The following SLCO6A1 variants were observed in gnomAD, a reference collection of about 807,000 sequenced individuals.
SLCO6A1 encodes cancer/testis antigen 48.
Under a neutral mutation model 72.7 loss-of-function variants are expected in SLCO6A1, and 65 were observed. The observed-to-expected ratio is 0.89, with a 90% CI of 0.73 to 1.10. SLCO6A1 has a LOEUF of 1.10. Ranked by LOEUF, SLCO6A1 falls within the 50% of genes least tolerant of loss-of-function variation. The pLI is 0.00. For synonymous variants in SLCO6A1, 314 were observed against 298.2 expected (o/e 1.05, Z -0.55); for missense variants, 874 against 872.6 (o/e 1.00, Z -0.02).
intron 6 of SLCO6A1, among the ~76,000 whole-genome samples, chr5:102,439,244 A>G (rs1292215311): frequency 1.3e-5 from 2 of 152,054 alleles, no homozygotes; most frequent in African/African-American, 4.8e-5. Flanking sequence ...ACTCCTGGAA[A>G]TCTACCTATA....
At chr5:102,392,434 ATAAG>A (rs933989030) in intron 10 of SLCO6A1, among the ~76,000 whole-genome samples, 1 of 152,050 alleles carries the variant, frequency 6.6e-6, no homozygotes, top group African/African-American at 2.4e-5. Flanking sequence ...TTTATTTAGC[ATAAG>A]TAATTTTCTT....
chr5:102,422,768 C>A (rs1025965001), intron 7 of SLCO6A1, among the ~76,000 whole-genome samples: 1 of 152,062 alleles, frequency 6.6e-6, no homozygotes, highest in Non-Finnish European at 1.5e-5. Flanking sequence ...TCAGGAAATA[C>A]AGAGAACACC....
chr5:102,424,587 T>C (rs1748788149), intron 7 of SLCO6A1, among the ~76,000 whole-genome samples: 2 of 152,188 alleles, frequency 1.3e-5, no homozygotes, highest in South Asian at 4.2e-4. Context: ...GTCGAATCCC[T>C]GAGTAGGCCA....
At chr5:102,436,180 G>T (rs1001195809) in intron 7 of SLCO6A1, among the ~76,000 whole-genome samples, 2 of 152,098 alleles carry the variant, frequency 1.3e-5, no homozygotes, top group Non-Finnish European at 2.9e-5. Flanking sequence ...CTAAAGCTCT[G>T]CCATTGGCTA....
Position 102,373,268 on chromosome 5 carries a change from CATT to C in SLCO6A1, c.*15+66_*15+68del, listed in dbSNP as rs202134821. The C allele has an allele frequency of 4.0e-3, 3,965 of 979,080 alleles. 13 individuals are homozygous for C. Among genetic ancestry groups the C allele is most frequent in the Admixed American group, 8.0e-3 (212 of 26,602 alleles). 60.6% of individuals were successfully genotyped at this position (979,080 alleles called of 1,614,324 possible). A position where few individuals can be genotyped will look rare whatever the true frequency, so the allele number is the denominator to read the frequency against. ...AGCACATTTGTTAAACATGTAATTACATTATTATTACTTTAAATTTTATTAATA... is the reference window on the plus strand; with the variant it reads ...AGCACATTTGTTAAACATGTAATTACATTATTACTTTAAATTTTATTAATA... On this transcript the variant is annotated intron_variant, in intron 13 of 13. Coordinates refer to ENST00000506729, the MANE Select transcript of SLCO6A1 (RefSeq NM_173488.5).
intron 6 of SLCO6A1, 52 bp from the exon 7 acceptor site, chr5:102,438,813 G>A (rs966389984): frequency 9.2e-6 from 12 of 1,298,390 alleles, no homozygotes; most frequent in Non-Finnish European, 1.1e-5. Context: ...TAGATAAAGA[G>A]GAATAGACAG....
At chr5:102,487,351 C>T (rs766322322) in intron 1 of SLCO6A1, among the ~76,000 whole-genome samples, 2 of 152,020 alleles carry the variant, frequency 1.3e-5, no homozygotes, top group Non-Finnish European at 2.9e-5. Context: ...TAGCACATGC[C>T]ATTTTTGATG....
intron 4 of SLCO6A1, among the ~76,000 whole-genome samples, chr5:102,471,038 T>TG (rs1052830096): frequency 3.9e-5 from 6 of 152,140 alleles, no homozygotes; most frequent in Admixed American, 1.3e-4. Flanking sequence ...TCTCCTTTCT[T>TG]GGGGCATGGT....
At chr5:102,407,578 TTAAG>T (rs1747739409) in intron 9 of SLCO6A1, among the ~76,000 whole-genome samples, 1 of 152,190 alleles carries the variant, frequency 6.6e-6, no homozygotes, top group Non-Finnish European at 1.5e-5. Flanking sequence ...ATAGTTTACT[TTAAG>T]AAAGAAAGGC....
rs1287294544 is a variant in SLCO6A1 at position 102,420,018 on chromosome 5, AGTCCT to A, written c.1277-2_1279del. The A allele has an allele frequency of 6.4e-7, 1 of 1,566,386 alleles. No homozygotes were observed. Among genetic ancestry groups the A allele is most frequent in the African/African-American group, 1.4e-5 (1 of 72,048 alleles). ...AAGTGCACCTCCTGGAATTAAAACA[AGTCCT>A]AAAAAAAAGGAGGAGAAAAACACAG... On this transcript the variant is annotated splice_acceptor_variant and coding_sequence_variant, in exon 8 of 14. Coordinates refer to ENST00000506729, the MANE Select transcript of SLCO6A1 (RefSeq NM_173488.5). LOFTEE classifies it high-confidence loss of function.
chr5:102,460,569 A>T (rs62371010), intron 4 of SLCO6A1, among the ~76,000 whole-genome samples: 35,004 of 151,918 alleles, frequency 0.23, 4,671 homozygotes, highest in South Asian at 0.34. Flanking sequence ...TCATTTAAGG[A>T]GGAGATTAGG....
intron 3 of SLCO6A1, 45 bp downstream of exon 3, chr5:102,477,631 G>C (rs1443155070): frequency 1.3e-6 from 2 of 1,551,304 alleles, no homozygotes; most frequent in Admixed American, 1.9e-5. Context: ...AAAATTCAAA[G>C]AAAACTCAAA....
chr5:102,400,783 A>G (rs539835256), intron 9 of SLCO6A1, among the ~76,000 whole-genome samples: 102 of 152,172 alleles, frequency 6.7e-4, no homozygotes, highest in Middle Eastern at 3.4e-3. Flanking sequence ...TTGATAGGTG[A>G]AGTTGCTGAG....
chr5:102,378,908 T>G (rs1180864830), intron 12 of SLCO6A1, among the ~76,000 whole-genome samples: 1 of 151,908 alleles, frequency 6.6e-6, no homozygotes, highest in Non-Finnish European at 1.5e-5. Flanking sequence ...CAACCTCCAT[T>G]TAGCTGGGGT....
chr5:102,433,416 T>A (rs1216899857), intron 7 of SLCO6A1, among the ~76,000 whole-genome samples: 1 of 152,204 alleles, frequency 6.6e-6, no homozygotes, highest in African/African-American at 2.4e-5. Flanking sequence ...TCCTTGAAGT[T>A]CCTGTCCTTT....
At chr5:102,436,644 T>C (rs2112672976) in intron 7 of SLCO6A1, among the ~76,000 whole-genome samples, 1 of 152,248 alleles carries the variant, frequency 6.6e-6, no homozygotes, top group South Asian at 2.1e-4. Context: ...ATGATCCCCA[T>C]GAGCTACAAA....
chr5:102,485,343 A>G (rs1270942331), intron 1 of SLCO6A1, among the ~76,000 whole-genome samples: 2 of 152,194 alleles, frequency 1.3e-5, no homozygotes, highest in Non-Finnish European at 2.9e-5. Flanking sequence ...GGTGGCTCCC[A>G]GGAGAAAAGC....
chr5:102,444,313 T>G (rs1749995257), intron 6 of SLCO6A1, among the ~76,000 whole-genome samples: 1 of 152,116 alleles, frequency 6.6e-6, no homozygotes, highest in African/African-American at 2.4e-5. Flanking sequence ...TTCTAGAATT[T>G]TATCTTTCAA....
chr5:102,493,355 T>C (rs956446846), intron 1 of SLCO6A1, among the ~76,000 whole-genome samples: 1 of 152,054 alleles, frequency 6.6e-6, no homozygotes, highest in Admixed American at 6.6e-5. Context: ...ATCCAAATAT[T>C]AAAAAACGCA....
Sources: allele counts gnomAD v4.1 joint callset (sites outside exome capture counted in the v4.1 genomes callset), GRCh38; gene constraint gnomAD v4.1.1; transcripts MANE v1.5; gene names NCBI Gene and HGNC (gene_info 2026-07-23, HGNC 2026-07-21).